Variants in ERC2 observed in about 807,000 individuals in gnomAD.
The protein encoded by ERC2 is ELKS/RAB6-interacting/CAST family member 2.
ERC2 carries 42 observed loss-of-function variants against 114.8 expected under a neutral mutation model. The ratio of observed to expected loss-of-function variants is 0.37; its 90% CI spans 0.29 to 0.47. ERC2 has a LOEUF of 0.47. Among genes scored for constraint, ERC2 ranks in the 20% least tolerant of loss-of-function variants. ERC2 has a pLI of 0.99. For synonymous variants in ERC2, 454 were observed against 425.5 expected, an observed-to-expected ratio of 1.07 and a Z score of -0.82; for missense variants, 939 against 1,150.7, an observed-to-expected ratio of 0.82 and a Z score of 2.66.
At chr3:56,427,499 C>T (rs567888795) in intron 2 of ERC2, among the ~76,000 whole-genome samples, 2 of 152,148 alleles carry the variant, frequency 1.3e-5, no homozygotes, top group South Asian at 2.1e-4. Flanking sequence ...TGTTGTGGGT[C>T]GAATTGTGTA....
At chr3:55,788,674 A>G (rs2069719909) in intron 14 of ERC2, among the ~76,000 whole-genome samples, 1 of 152,182 alleles carries the variant, frequency 6.6e-6, no homozygotes, top group South Asian at 2.1e-4. Context: ...CCTCTCCCCA[A>G]GGTCTTGGTT....
intron 12 of ERC2, among the ~76,000 whole-genome samples, chr3:55,979,336 T>C (rs979494835): frequency 7.9e-5 from 12 of 152,248 alleles, no homozygotes; most frequent in Non-Finnish European, 1.5e-4. Context: ...GTGGTGGTTA[T>C]GTTCTCAAAA....
At chr3:55,563,478 T>A (rs941300319) in intron 17 of ERC2, among the ~76,000 whole-genome samples, 1 of 152,220 alleles carries the variant, frequency 6.6e-6, no homozygotes, top group Non-Finnish European at 1.5e-5. Context: ...CAACTGGGAC[T>A]TGGCCAGTGT....
intron 14 of ERC2, among the ~76,000 whole-genome samples, chr3:55,831,767 A>G (rs1300718909): frequency 6.6e-6 from 1 of 152,148 alleles, no homozygotes; most frequent in Non-Finnish European, 1.5e-5. Flanking sequence ...GACAGTGGGT[A>G]CAACGCACCG....
intron 2 of ERC2, among the ~76,000 whole-genome samples, chr3:56,401,862 A>C (rs2060532672): frequency 6.6e-6 from 1 of 152,210 alleles, no homozygotes; most frequent in Admixed American, 6.5e-5. Flanking sequence ...GCTAATACAT[A>C]CATACCCGAG....
At chr3:55,824,376 CAG>C (rs1171364556) in intron 14 of ERC2, among the ~76,000 whole-genome samples, 1 of 152,174 alleles carries the variant, frequency 6.6e-6, no homozygotes, top group Non-Finnish European at 1.5e-5. Flanking sequence ...CATGTCAGAA[CAG>C]AGACTCCTGT....
At chr3:55,947,697 C>A (rs956914834) in intron 13 of ERC2, among the ~76,000 whole-genome samples, 1 of 152,184 alleles carries the variant, frequency 6.6e-6, no homozygotes, top group African/African-American at 2.4e-5. Flanking sequence ...GCCAAACCCA[C>A]CCTAGAGCAG....
chr3:56,290,811 T>C (rs1343972321), intron 3 of ERC2, among the ~76,000 whole-genome samples: 1 of 152,152 alleles, frequency 6.6e-6, no homozygotes, highest in Non-Finnish European at 1.5e-5. Context: ...GACCAATAAT[T>C]CATGTTACCT....
At chr3:55,927,134 C>A (rs552152325) in intron 13 of ERC2, among the ~76,000 whole-genome samples, 15 of 152,290 alleles carry the variant, frequency 9.8e-5, no homozygotes, top group African/African-American at 3.6e-4. Flanking sequence ...TAACTGGTTG[C>A]TTGCCCATCT....
intron 2 of ERC2, among the ~76,000 whole-genome samples, chr3:56,302,513 A>G (rs1333934049): frequency 6.6e-6 from 1 of 152,230 alleles, no homozygotes; most frequent in East Asian, 1.9e-4. Context: ...AAGGACCAGG[A>G]TACAATACAA....
chr3:55,906,260 A>G (rs989266192), intron 13 of ERC2, among the ~76,000 whole-genome samples: 1 of 151,330 alleles, frequency 6.6e-6, no homozygotes, highest in Admixed American at 6.6e-5. Flanking sequence ...GTGAAACCCC[A>G]TCTCTACTAA....
intron 14 of ERC2, among the ~76,000 whole-genome samples, chr3:55,778,093 A>T (rs1028460898): frequency 5.3e-5 from 8 of 152,234 alleles, no homozygotes; most frequent in Admixed American, 1.3e-4. Flanking sequence ...ATTTAAAAAA[A>T]TTTTTTTCAC....
chr3:56,432,880 C>G (rs1014715046), intron 2 of ERC2, among the ~76,000 whole-genome samples: 2 of 152,178 alleles, frequency 1.3e-5, no homozygotes, highest in Non-Finnish European at 2.9e-5. Context: ...TGCCCCAGCT[C>G]TTAGCACTTC....
intron 17 of ERC2, among the ~76,000 whole-genome samples, chr3:55,621,154 GC>G (rs1253498923): frequency 3.3e-5 from 5 of 151,128 alleles, no homozygotes; most frequent in South Asian, 2.1e-4. Flanking sequence ...GACTCTAACT[GC>G]CCCCCCTCCA....
intron 7 of ERC2, among the ~76,000 whole-genome samples, chr3:56,058,757 ACT>A (rs2076119138): frequency 6.6e-6 from 1 of 151,812 alleles, no homozygotes. Context: ...TCAAACTGCA[ACT>A]CTTTCCTGGG....
At chr3:55,909,932 G>A (rs1228023698) in intron 13 of ERC2, among the ~76,000 whole-genome samples, 1 of 152,052 alleles carries the variant, frequency 6.6e-6, no homozygotes, top group Non-Finnish European at 1.5e-5. Flanking sequence ...TATTTATATT[G>A]AGAAGGCCTC....
chr3:55,790,603 T>C (rs148112569), intron 14 of ERC2, among the ~76,000 whole-genome samples: 3 of 151,944 alleles, frequency 2.0e-5, no homozygotes, highest in African/African-American at 7.2e-5. Context: ...AAATGGAGGG[T>C]GAATAACAAC....
At chr3:56,422,635 C>G (rs1346948895) in intron 2 of ERC2, among the ~76,000 whole-genome samples, 1 of 152,212 alleles carries the variant, frequency 6.6e-6, no homozygotes, top group Non-Finnish European at 1.5e-5. Flanking sequence ...TTACTCCACT[C>G]TATCTTAGAG....
At chr3:55,904,146 G>C (rs903867375) in intron 13 of ERC2, among the ~76,000 whole-genome samples, 1 of 152,226 alleles carries the variant, frequency 6.6e-6, no homozygotes, top group Non-Finnish European at 1.5e-5. Context: ...TTAAGTGCCA[G>C]TGCAAGTGAG....
Sources: allele counts gnomAD v4.1 joint callset (sites outside exome capture counted in the v4.1 genomes callset), GRCh38; gene constraint gnomAD v4.1.1; transcripts MANE v1.5; gene names NCBI Gene and HGNC (gene_info 2026-07-23, HGNC 2026-07-21).